Variants in ATP2B2 observed in about 807,000 individuals in gnomAD.
ATP2B2 encodes ATPase plasma membrane Ca2+ transporting 2, also known as plasma membrane calcium-transporting ATPase 2.
Under a neutral mutation model 120.0 loss-of-function variants are expected in ATP2B2, and 15 were observed. That is an observed-to-expected ratio of 0.12 (90% confidence interval 0.08 to 0.19). The LOEUF (loss-of-function observed/expected upper bound fraction) is 0.19. ATP2B2 is among the 10% of genes least tolerant of loss of function. The pLI, the probability that ATP2B2 is intolerant of heterozygous loss-of-function variation, is 1.00. For synonymous variants in ATP2B2, 694 were observed against 700.3 expected (o/e 0.99, Z 0.14); for missense variants, 1,045 against 1,719.8 (o/e 0.61, Z 6.94).
chr3:10,578,958 G>T (rs1050436343), intron 2 of ATP2B2, among the ~76,000 whole-genome samples: 2 of 152,328 alleles, frequency 1.3e-5, no homozygotes, highest in South Asian at 2.1e-4. Flanking sequence ...AGGTGGCAAC[G>T]TGCTACAGCT....
chr3:10,398,350 G>A lies in ATP2B2; in HGVS notation c.781+2603C>T, dbSNP rs945658801. Among the ~76,000 whole-genome samples, 18 of 152,254 alleles carry A rather than the reference G, an allele frequency of 1.2e-4. 1 individual carries two copies. The highest frequency in any genetic ancestry group is 8.3e-4 in the South Asian group (4 of 4,838). Reference sequence around the variant, plus strand: ...CTCCTGACATCTAGACGCCCCAGGCGTCTTCCATCAACCCAGGCTTCCAGC... The same window carrying A: ...CTCCTGACATCTAGACGCCCCAGGCATCTTCCATCAACCCAGGCTTCCAGC... On this transcript the variant is annotated intron_variant, in intron 5 of 22. Coordinates refer to ENST00000360273, the MANE Select transcript of ATP2B2 (RefSeq NM_001001331.4).
At chr3:10,602,985 C>T (rs563044813) in intron 2 of ATP2B2, among the ~76,000 whole-genome samples, 5 of 152,334 alleles carry the variant, frequency 3.3e-5, no homozygotes, top group Admixed American at 1.3e-4. Flanking sequence ...TTCACTTTCT[C>T]CCACATCCCC....
chr3:10,407,201 G>T (rs1431587954), intron 3 of ATP2B2, among the ~76,000 whole-genome samples: 1 of 152,222 alleles, frequency 6.6e-6, no homozygotes. Context: ...GGGTGGGGAT[G>T]CTGTGTACCT....
At chr3:10,359,373 AG>A (rs2060831770) in intron 13 of ATP2B2, among the ~76,000 whole-genome samples, 1 of 152,114 alleles carries the variant, frequency 6.6e-6, no homozygotes, top group Admixed American at 6.5e-5. Flanking sequence ...ATGTGTACCC[AG>A]GGCTGAGAAC....
chr3:10,616,846 T>C (rs1484212254), intron 2 of ATP2B2, among the ~76,000 whole-genome samples: 3 of 152,232 alleles, frequency 2.0e-5, no homozygotes, highest in Admixed American at 2.0e-4. Context: ...CACACTTTTG[T>C]ATCTGTTTCT....
At chr3:10,617,779 A>G (rs1270585971) in intron 2 of ATP2B2, among the ~76,000 whole-genome samples, 1 of 151,998 alleles carries the variant, frequency 6.6e-6, no homozygotes, top group East Asian at 1.9e-4. Context: ...CTGCCTTCCC[A>G]TCTTGCCAGC....
upstream of ATP2B2, among the ~76,000 whole-genome samples, chr3:10,510,287 G>C (rs187413660): frequency 3.5e-4 from 54 of 152,332 alleles, no homozygotes; most frequent in South Asian, 0.011. Flanking sequence ...CACACACCTC[G>C]TGTGTTCCTC....
chr3:10,359,568 T>C (rs959614154), intron 13 of ATP2B2, among the ~76,000 whole-genome samples: 16 of 152,066 alleles, frequency 1.1e-4, no homozygotes, highest in African/African-American at 3.9e-4. Context: ...ATAAGAGAGA[T>C]CTAAGTGTGA....
chr3:10,577,749 G>T (rs2068287677), intron 2 of ATP2B2, among the ~76,000 whole-genome samples: 1 of 152,200 alleles, frequency 6.6e-6, no homozygotes, highest in Admixed American at 6.5e-5. Context: ...GCGTGACTCG[G>T]AATGGCAGGG....
intron 1 of ATP2B2, among the ~76,000 whole-genome samples, chr3:10,459,826 G>A (rs1307152456): frequency 1.3e-5 from 2 of 152,250 alleles, no homozygotes; most frequent in African/African-American, 2.4e-5. Flanking sequence ...CATTTATACA[G>A]GAGAAGACAG....
At chr3:10,386,971 C>T (rs1033630510) in intron 6 of ATP2B2, among the ~76,000 whole-genome samples, 7 of 152,112 alleles carry the variant, frequency 4.6e-5, no homozygotes, top group African/African-American at 1.4e-4. Context: ...CAGATCTGGC[C>T]CATAGAAGAG....
intron 18 of ATP2B2, 78 bp downstream of exon 18, chr3:10,345,306 A>G: frequency 6.6e-7 from 1 of 1,521,210 alleles, no homozygotes; most frequent in East Asian, 2.3e-5. Flanking sequence ...GACAACCTGG[A>G]GTACCCTAAG....
intron 2 of ATP2B2, among the ~76,000 whole-genome samples, chr3:10,429,204 C>A (rs1043817664): frequency 1.3e-5 from 2 of 152,196 alleles, no homozygotes; most frequent in African/African-American, 2.4e-5. Context: ...ATTTCCTACC[C>A]AGCCCTTGTC....
intron 11 of ATP2B2, among the ~76,000 whole-genome samples, chr3:10,373,630 G>A (rs26796): frequency 0.47 from 70,834 of 152,082 alleles, 16,790 homozygotes; most frequent in Non-Finnish European, 0.49. Context: ...TTGGATAATA[G>A]TGTTGGATTT....
At chr3:10,683,162 AAT>A (rs984384149) in intron 1 of ATP2B2, among the ~76,000 whole-genome samples, 5 of 149,578 alleles carry the variant, frequency 3.3e-5, no homozygotes, top group South Asian at 2.2e-4. Context: ...ATTAAAAAAA[AAT>A]TTTTTTTTTT....
intron 1 of ATP2B2, among the ~76,000 whole-genome samples, chr3:10,659,073 C>T (rs1392670527): frequency 6.6e-6 from 1 of 152,214 alleles, no homozygotes; most frequent in East Asian, 1.9e-4. Context: ...CAGGCCTGCC[C>T]TAAAAGAGCT....
intron 2 of ATP2B2, among the ~76,000 whole-genome samples, chr3:10,613,273 C>T (rs1174673829): frequency 6.6e-6 from 1 of 152,122 alleles, no homozygotes; most frequent in Non-Finnish European, 1.5e-5. Flanking sequence ...GTGGCTGGTC[C>T]TGATTTGTAT....
chr3:10,567,478 C>G (rs939847418), intron 2 of ATP2B2, among the ~76,000 whole-genome samples: 1 of 152,180 alleles, frequency 6.6e-6, no homozygotes, highest in Non-Finnish European at 1.5e-5. Flanking sequence ...CAGGAGCCTG[C>G]CAGCCTGGCT....
chr3:10,436,666 GCCTTTGCTCCAA>G (rs1415782835), intron 2 of ATP2B2, among the ~76,000 whole-genome samples: 1 of 152,180 alleles, frequency 6.6e-6, no homozygotes, highest in African/African-American at 2.4e-5. Flanking sequence ...GGGTTTTCCA[GCCTTTGCTCCAA>G]CTTGGAGAGC....
Sources: allele counts gnomAD v4.1 joint callset (sites outside exome capture counted in the v4.1 genomes callset), GRCh38; gene constraint gnomAD v4.1.1; transcripts MANE v1.5; gene names NCBI Gene and HGNC (gene_info 2026-07-23, HGNC 2026-07-21).